SPEF2: variants seen among roughly 807,000 people sequenced by gnomAD.
SPEF2 encodes the protein sperm flagellar and cilia associated 2.
A neutral mutation model predicts 224.6 loss-of-function variants in SPEF2; 187 were observed. The observed-to-expected ratio is 0.83, with a 90% confidence interval of 0.74 to 0.94. SPEF2 has a LOEUF of 0.94. Among genes scored for constraint, SPEF2 ranks in the 40% least tolerant of loss-of-function variants. The pLI is 0.00. For synonymous variants in SPEF2, 715 were observed against 707.3 expected, an observed-to-expected ratio of 1.01 and a Z score of -0.17; for missense variants, 2,170 against 2,135.6, an observed-to-expected ratio of 1.02 and a Z score of -0.32.
rs1419008298 is a variant in SPEF2 at position 35,712,825 on chromosome 5, T to C, written c.2853T>C (p.Gly951=). The C allele has an allele frequency of 6.2e-7, 1 of 1,613,650 alleles. No homozygotes were observed. The highest frequency in any genetic ancestry group is 1.7e-5 in the Admixed American group (1 of 59,980). The part of the protein sequence containing the change: ...KGKPQSEAPH[G]KQESLQEGKG... The stretch of plus-strand genomic sequence containing the variant: ...AATTTTGTTTAGAAGCCCCGCATGG[T>C]AAGCAAGAATCTCTTCAGGAAGGAA... Residue 951 remains glycine, a synonymous_variant, in exon 20 of 37, where the codon GGT becomes GGC. Coordinates refer to ENST00000356031, the MANE Select transcript of SPEF2 (RefSeq NM_024867.4).
chr5:35,778,424 C>G (rs73747973), intron 29 of SPEF2, among the ~76,000 whole-genome samples: 7,552 of 152,244 alleles, frequency 0.05, 537 homozygotes, highest in African/African-American at 0.15. Flanking sequence ...CCCAGGATCT[C>G]TGGCTAGAGA....
At chr5:35,741,031 G>C (rs1747535384) in intron 23 of SPEF2, among the ~76,000 whole-genome samples, 2 of 152,114 alleles carry the variant, frequency 1.3e-5, no homozygotes, top group Middle Eastern at 3.4e-3. Flanking sequence ...CCATTCATTT[G>C]GTCAATAAAT....
chr5:35,618,307 A>G (rs1397042333), intron 1 of SPEF2, among the ~76,000 whole-genome samples: 1 of 150,226 alleles, frequency 6.7e-6, no homozygotes, highest in Non-Finnish European at 1.5e-5. Context: ...CTCTCGAGTT[A>G]CCCTTGTCAC....
chr5:35,772,494 T>G (rs1305245957), intron 27 of SPEF2, among the ~76,000 whole-genome samples: 1 of 152,148 alleles, frequency 6.6e-6, no homozygotes, highest in East Asian at 1.9e-4. Context: ...CATTGTGCTT[T>G]GATAGGGGAG....
chr5:35,641,795 T>A, intron 3 of SPEF2, 112 bp downstream of exon 3: 1 of 1,112,780 alleles, frequency 9.0e-7, no homozygotes. Context: ...ATATCCTTTA[T>A]GTATGTTACT....
At chr5:35,710,489 G>A (rs1326440880) in intron 19 of SPEF2, 21 of 707,070 alleles carry the variant, frequency 3.0e-5, no homozygotes, top group South Asian at 6.4e-5. Flanking sequence ...CCTGAGAGGC[G>A]GAGGTTGCAG....
At chr5:35,775,049 G>T (rs1252659230) in intron 28 of SPEF2, among the ~76,000 whole-genome samples, 1 of 152,116 alleles carries the variant, frequency 6.6e-6, no homozygotes, top group Non-Finnish European at 1.5e-5. Flanking sequence ...TCCACTCTGT[G>T]CCAAGTCCTG....
intron 29 of SPEF2, among the ~76,000 whole-genome samples, chr5:35,778,190 T>C (rs1753858124): frequency 6.6e-6 from 1 of 152,218 alleles, no homozygotes. Context: ...TCTGTGTTGC[T>C]CACTTTCATT....
intron 21 of SPEF2, among the ~76,000 whole-genome samples, chr5:35,729,547 C>A (rs546028642): frequency 2.1e-4 from 32 of 152,122 alleles, no homozygotes; most frequent in Non-Finnish European, 3.5e-4. Context: ...GCAACACAGA[C>A]CTCTCATTTC....
chr5:35,653,272 A>G (rs1020073839), intron 6 of SPEF2, among the ~76,000 whole-genome samples: 1 of 152,112 alleles, frequency 6.6e-6, no homozygotes. Flanking sequence ...TCTCACTTGA[A>G]TCTCTAGGGC....
intron 16 of SPEF2, among the ~76,000 whole-genome samples, chr5:35,703,212 G>A (rs1474213832): frequency 6.6e-6 from 1 of 151,894 alleles, no homozygotes; most frequent in African/African-American, 2.4e-5. Context: ...AATAAAGGTT[G>A]TGTATTTTTA....
chr5:35,641,594 A>G lies in SPEF2; in HGVS notation c.325A>G (p.Lys109Glu), dbSNP rs148448500. The change falls in exon 3 of 37, where the codon AAA (lysine) becomes GAA (glutamate). Residue 109 changes from lysine (K) to glutamate (E), a missense_variant. By Grantham distance (56) the Lys-to-Glu change is moderately conservative. Coordinates refer to ENST00000356031, the MANE Select transcript of SPEF2 (RefSeq NM_024867.4). ...GTACATTGCTCTTCAGAAAAAGAAG[A>G]AAAGTGGACTGACTGGAGTGGAGAT... ...QLYIALQKKK[K>E]SGLTGVEMQT... 6.2e-7 allele frequency: 1 copy of G among 1,613,682 alleles called. No individual in the cohort carries two copies. The highest frequency in any genetic ancestry group is 1.3e-5 in the African/African-American group (1 of 74,896).
chr5:35,667,255 A>C lies in SPEF2; in HGVS notation c.1351A>C (p.Asn451His). The change falls in exon 9 of 37, where the codon AAT becomes CAT. Residue 451 changes from asparagine to histidine, a missense_variant. Physicochemically the swap from Asn to His is moderately conservative, Grantham distance 68. Coordinates refer to ENST00000356031, the MANE Select transcript of SPEF2 (RefSeq NM_024867.4). Reference sequence around the variant, plus strand: ...AGTGGCAGACTATCGAATGTTGACAAATAAGTAAGTATTTTTTTTGTAATA... The same window carrying C: ...AGTGGCAGACTATCGAATGTTGACACATAAGTAAGTATTTTTTTTGTAATA... ...TKVADYRMLT[N>H]NLIPYKLMHD... The C allele has an allele frequency of 6.3e-7, 1 of 1,594,436 alleles. No homozygotes were observed. The highest frequency in any genetic ancestry group is 1.1e-5 in the South Asian group (1 of 87,590).
intron 26 of SPEF2, chr5:35,764,733 T>G (rs56053392): frequency 0.033 from 14,827 of 456,108 alleles, 894 homozygotes; most frequent in African/African-American, 0.12. Context: ...CCAAGTCCCT[T>G]CTTGGCCTCT....
rs547383982 is a variant in SPEF2 at position 35,645,873 on chromosome 5, G to A, written c.586-794G>A. ...AATAAATATTCATATTTTGGAAAAT[G>A]AAGAAAATTGTCTATAATGTATGCC... On this transcript the variant is annotated intron_variant, in intron 4 of 36. Coordinates refer to ENST00000356031, the MANE Select transcript of SPEF2 (RefSeq NM_024867.4). Among the ~76,000 whole-genome samples the A allele has an allele frequency of 1.8e-4, 27 of 152,176 alleles. 1 individual carries two copies. The South Asian group carries it at 5.2e-3, about 29-fold the overall frequency.
chr5:35,739,940 C>A lies in SPEF2; in HGVS notation c.3085C>A (p.Pro1029Thr). The change falls in exon 22 of 37, where the codon CCT becomes ACT. Residue 1029 changes from proline (P) to threonine (T), a missense_variant. By Grantham distance (38) the Pro-to-Thr change is conservative. Coordinates refer to ENST00000356031, the MANE Select transcript of SPEF2 (RefSeq NM_024867.4). ...ACAGGAAATGCCTTTGTTTTTAGTACCTTACTGGGAACTAATAGAAAATTC... is the reference window on the plus strand; with the variant it reads ...ACAGGAAATGCCTTTGTTTTTAGTAACTTACTGGGAACTAATAGAAAATTC... ...VPEEMPLFLV[P>T]YWELIENSYI... is the part of the protein sequence containing the mutation. 1 of 1,613,702 alleles carries A rather than the reference C, an allele frequency of 6.2e-7. No individual in the cohort carries two copies. The highest frequency in any genetic ancestry group is 8.5e-7 in the Non-Finnish European group (1 of 1,179,930).
intron 36 of SPEF2, among the ~76,000 whole-genome samples, chr5:35,808,814 A>G (rs973130376): frequency 6.7e-6 from 1 of 148,262 alleles, no homozygotes; most frequent in East Asian, 1.9e-4. Context: ...AACCCAATAT[A>G]TATACATATA....
intron 8 of SPEF2, among the ~76,000 whole-genome samples, chr5:35,661,238 T>G (rs1236272014): frequency 7.2e-6 from 1 of 138,100 alleles, no homozygotes; most frequent in Non-Finnish European, 1.6e-5. Flanking sequence ...AAAGGAGGTT[T>G]TTTTTTTGGT....
intron 36 of SPEF2, among the ~76,000 whole-genome samples, chr5:35,814,014 A>G (rs1158657436): frequency 6.6e-6 from 1 of 152,232 alleles, no homozygotes; most frequent in African/African-American, 2.4e-5. Flanking sequence ...ACAATGAAAG[A>G]ATGAGACAAT....
Sources: gnomAD v4.1 joint callset for allele counts (sites outside exome capture counted in the v4.1 genomes callset) on GRCh38, gnomAD v4.1.1 for gene constraint, MANE v1.5 for transcripts, NCBI Gene and HGNC (gene_info 2026-07-23, HGNC 2026-07-21) for gene names.